The following RAB3GAP2 variants were observed in gnomAD, a reference collection of about 807,000 sequenced individuals.
RAB3GAP2 encodes rab3 GTPase-activating protein non-catalytic subunit.
A neutral mutation model predicts 185.3 loss-of-function variants in RAB3GAP2; 87 were observed. That is an observed-to-expected ratio of 0.47 (90% CI 0.39 to 0.56). The LOEUF is 0.56. RAB3GAP2 is among the 20% of genes least tolerant of loss of function. The pLI is 0.00. For missense variants in RAB3GAP2, 1,492 were observed against 1,638.2 expected, an observed-to-expected ratio of 0.91 and a Z score of 1.54; for synonymous variants, 554 against 576.1, an observed-to-expected ratio of 0.96 and a Z score of 0.55.
chr1:220,168,194 G>C (rs1165513378), intron 24 of RAB3GAP2, among the ~76,000 whole-genome samples: 2 of 152,152 alleles, frequency 1.3e-5, no homozygotes, highest in African/African-American at 4.8e-5. Flanking sequence ...CCAGGTTCAA[G>C]TGATTTTCCT....
At chr1:220,189,016 T>C (rs1203238166) in intron 17 of RAB3GAP2, among the ~76,000 whole-genome samples, 2 of 151,936 alleles carry the variant, frequency 1.3e-5, no homozygotes, top group African/African-American at 4.8e-5. Flanking sequence ...CACACAGGAA[T>C]GACGTAACTA....
chr1:220,196,145 TA>T, intron 10 of RAB3GAP2, 104 bp downstream of exon 10: 3 of 1,289,474 alleles, frequency 2.3e-6, no homozygotes, highest in Non-Finnish European at 3.3e-6. Flanking sequence ...TTTAGAAATG[TA>T]AACTGCTTAA....
chr1:220,245,060 A>T (rs1237160823), intron 1 of RAB3GAP2, among the ~76,000 whole-genome samples: 6 of 152,204 alleles, frequency 3.9e-5, no homozygotes, highest in Non-Finnish European at 8.8e-5. Flanking sequence ...AAAATATTCA[A>T]AAACCATGCA....
chr1:220,151,457 G>T lies in RAB3GAP2; in HGVS notation c.4027-51C>A, dbSNP rs565679833. On this transcript the variant is annotated intron_variant, in intron 34 of 34. Coordinates refer to ENST00000358951, the MANE Select transcript of RAB3GAP2 (RefSeq NM_012414.4). ...TATTATAGACAACTAAACAATAATT[G>T]TTATTGACTTAAGAGTTATTACATA... 47 of 1,609,210 alleles carry T rather than the reference G, an allele frequency of 2.9e-5. No individual in the cohort carries two copies. In the South Asian group the frequency reaches 5.1e-4, roughly 17 times the overall value.
At chr1:220,203,489 T>G (rs768943343) in intron 8 of RAB3GAP2, among the ~76,000 whole-genome samples, 1 of 152,206 alleles carries the variant, frequency 6.6e-6, no homozygotes, top group South Asian at 2.1e-4. Context: ...ACTCTTTTTA[T>G]AGCAACTTAC....
chr1:220,214,054 G>A (rs892159856), intron 2 of RAB3GAP2, 75 bp from the exon 3 acceptor site: 3 of 1,410,642 alleles, frequency 2.1e-6, no homozygotes, highest in Admixed American at 1.7e-5. Flanking sequence ...TGTCTCAAGG[G>A]GTGAGAGGGA....
intron 1 of RAB3GAP2, among the ~76,000 whole-genome samples, chr1:220,236,001 AAAGG>A (rs1437920541): frequency 6.6e-6 from 1 of 152,212 alleles, no homozygotes; most frequent in East Asian, 1.9e-4. Context: ...AAGTCAAGAT[AAAGG>A]AAGGTGAAAC....
intron 21 of RAB3GAP2, among the ~76,000 whole-genome samples, chr1:220,175,126 T>C (rs1658262314): frequency 6.6e-6 from 1 of 152,220 alleles, no homozygotes; most frequent in African/African-American, 2.4e-5. Flanking sequence ...TCTTATATTT[T>C]AGGCTCACTG....
intron 1 of RAB3GAP2, among the ~76,000 whole-genome samples, chr1:220,257,241 G>C (rs1660048077): frequency 6.6e-6 from 1 of 152,008 alleles, no homozygotes; most frequent in African/African-American, 2.4e-5. Context: ...AGCCGGGCGT[G>C]GTGGCACGTG....
intron 7 of RAB3GAP2, among the ~76,000 whole-genome samples, chr1:220,209,432 C>G (rs1659037025): frequency 6.6e-6 from 1 of 152,102 alleles, no homozygotes; most frequent in Non-Finnish European, 1.5e-5. Flanking sequence ...ATTCTATACC[C>G]ATTATTCAAG....
rs1249737194 is a variant in RAB3GAP2 at position 220,232,878 on chromosome 1, A to G, written c.116-15T>C. The G allele has an allele frequency of 3.0e-5, 49 of 1,610,172 alleles. No homozygotes were observed. The highest frequency in any genetic ancestry group is 4.1e-5 in the Non-Finnish European group (48 of 1,176,600). ...TGTTGATTTACCTGTTTTTAAAAAGATGAACAATGCTTGCATGAAATATAG... is the reference window on the plus strand; with the variant it reads ...TGTTGATTTACCTGTTTTTAAAAAGGTGAACAATGCTTGCATGAAATATAG... On this transcript the variant is annotated splice_polypyrimidine_tract_variant and intron_variant, in intron 1 of 34. Transcript: ENST00000358951.
At chr1:220,168,245 A>G (rs1658108858) in intron 24 of RAB3GAP2, among the ~76,000 whole-genome samples, 2 of 151,830 alleles carry the variant, frequency 1.3e-5, no homozygotes, top group South Asian at 4.2e-4. Flanking sequence ...GGCGCCCACC[A>G]CACCCAGGTA....
chr1:220,256,246 C>G (rs1362198923), intron 1 of RAB3GAP2, among the ~76,000 whole-genome samples: 2 of 152,164 alleles, frequency 1.3e-5, no homozygotes, highest in Non-Finnish European at 2.9e-5. Flanking sequence ...TGCAAGAGCT[C>G]CTGACGGAAG....
chr1:220,224,678 A>G (rs1182785385), intron 2 of RAB3GAP2, among the ~76,000 whole-genome samples: 1 of 152,130 alleles, frequency 6.6e-6, no homozygotes, highest in Non-Finnish European at 1.5e-5. Context: ...AGTAAGGACA[A>G]AAAAACTTTC....
chr1:220,179,979 T>C (rs552491323), intron 21 of RAB3GAP2, among the ~76,000 whole-genome samples: 5 of 152,010 alleles, frequency 3.3e-5, no homozygotes, highest in South Asian at 2.1e-4. Context: ...CTGGCCAACA[T>C]TGTGAAACCC....
At chr1:220,212,408 G>A (rs1488800929) in intron 4 of RAB3GAP2, among the ~76,000 whole-genome samples, 4 of 152,158 alleles carry the variant, frequency 2.6e-5, no homozygotes, top group African/African-American at 9.7e-5. Context: ...AAAATTTGCT[G>A]ATTGAATCAT....
intron 16 of RAB3GAP2, 25 bp downstream of exon 16, chr1:220,190,039 A>C: frequency 6.6e-7 from 1 of 1,524,292 alleles, no homozygotes; most frequent in Non-Finnish European, 9.1e-7. Flanking sequence ...AATATGCTTT[A>C]TTATTTGTAT....
At chr1:220,153,811 C>G in intron 32 of RAB3GAP2, 157 bp downstream of exon 32, 1 of 921,212 alleles carries the variant, frequency 1.1e-6, no homozygotes. Flanking sequence ...TCCAAGTGTT[C>G]TCATTGTTCA....
At position 220,272,367 on chromosome 1, in the gene RAB3GAP2, C is replaced by A; in HGVS notation, c.-30G>T. 3 of 1,506,614 alleles carry A rather than the reference C, an allele frequency of 2.0e-6. No individual in the cohort carries two copies. The highest frequency in any genetic ancestry group is 1.7e-4 in the Middle Eastern group (1 of 5,840). 93.3% of individuals were successfully genotyped at this position (1,506,614 alleles called of 1,614,324 possible). A position where few individuals can be genotyped will look rare whatever the true frequency, so the allele number is the denominator to read the frequency against. ...CCAGGGAACCCCACTACGGCACTCA[C>A]CTTACCTCACCACGCCCTGCCCCCT... On this transcript the variant is annotated 5_prime_UTR_variant, in exon 1 of 35. Transcript: ENST00000358951.
Sources: allele counts gnomAD v4.1 joint callset (sites outside exome capture counted in the v4.1 genomes callset), GRCh38; gene constraint gnomAD v4.1.1; transcripts MANE v1.5; gene names NCBI Gene and HGNC (gene_info 2026-07-23, HGNC 2026-07-21).